TRIM16: variants seen among roughly 807,000 people sequenced by gnomAD.
The protein encoded by TRIM16 is tripartite motif containing 16.
In TRIM16, 33 loss-of-function variants were observed where a neutral mutation model predicts 50.4. The observed-to-expected ratio is 0.65, with a 90% confidence interval of 0.50 to 0.88. The LOEUF (loss-of-function observed/expected upper bound fraction) is 0.88. Ranked by LOEUF, TRIM16 falls within the 40% of genes least tolerant of loss-of-function variation. The pLI, the probability that TRIM16 is intolerant of heterozygous loss-of-function variation, is 0.00. For synonymous variants in TRIM16, 229 were observed against 270.7 expected (o/e 0.85, Z 1.51); for missense variants, 581 against 686.8 (o/e 0.85, Z 1.72).
At chr17:15,629,555 G>A (rs187126045) in intron 11 of TRIM16, among the ~76,000 whole-genome samples, 1 of 152,380 alleles carries the variant, frequency 6.6e-6, no homozygotes, top group Admixed American at 6.5e-5. Flanking sequence ...AAGTGTTTGG[G>A]GAAGCAGGTA....
At chr17:15,643,472 G>A (rs1050749003) in intron 7 of TRIM16, among the ~76,000 whole-genome samples, 6 of 142,554 alleles carry the variant, frequency 4.2e-5, no homozygotes, top group South Asian at 4.3e-4. Flanking sequence ...CCTATGACCC[G>A]GAAGCCCTGG....
chr17:15,651,867 C>T lies in TRIM16; in HGVS notation c.-258G>A. On this transcript the variant is annotated 5_prime_UTR_variant, in exon 7 of 12. Transcript: ENST00000649191. The stretch of plus-strand genomic sequence containing the variant: ...CAGGCTCAGGCTGCCTCCCCAGGTC[C>T]AGCCCTGAAACTTCTATTCTTATGT... 1 of 1,410,508 alleles carries T rather than the reference C, an allele frequency of 7.1e-7. No homozygotes were observed. The highest frequency in any genetic ancestry group is 1.5e-5 in the South Asian group (1 of 66,726). 87.4% of individuals were successfully genotyped at this position (1,410,508 alleles called of 1,614,324 possible).
intron 6 of TRIM16, among the ~76,000 whole-genome samples, chr17:15,655,051 G>A (rs913793124): frequency 2.2e-4 from 34 of 152,188 alleles, no homozygotes; most frequent in African/African-American, 7.7e-4. Flanking sequence ...ACAGGCTTCT[G>A]TCAGAGCTCT....
chr17:15,636,595 C>T (rs1244656690), intron 8 of TRIM16, among the ~76,000 whole-genome samples: 4 of 144,930 alleles, frequency 2.8e-5, no homozygotes, highest in Non-Finnish European at 6.0e-5. Context: ...ATTCAGTCTA[C>T]TTGATAGTCA....
chr17:15,652,363 C>T (rs1251652068), intron 6 of TRIM16, among the ~76,000 whole-genome samples: 3 of 139,256 alleles, frequency 2.2e-5, no homozygotes, highest in Non-Finnish European at 4.6e-5. Flanking sequence ...GTTTCACCAT[C>T]TTGGCCAGGC....
chr17:15,648,264 C>CAAA (rs369890282), intron 7 of TRIM16, among the ~76,000 whole-genome samples: 1 of 146,140 alleles, frequency 6.8e-6, no homozygotes, highest in African/African-American at 2.6e-5. Context: ...AACAAACAAA[C>CAAA]AAAAAAACAC....
chr17:15,634,379 C>A (rs1227782669), intron 9 of TRIM16, among the ~76,000 whole-genome samples: 1 of 147,422 alleles, frequency 6.8e-6, no homozygotes, highest in Non-Finnish European at 1.5e-5. Flanking sequence ...CCTGTAATCG[C>A]AACACTTTGG....
intron 4 of TRIM16, among the ~76,000 whole-genome samples, chr17:15,680,236 T>G (rs1989129149): frequency 6.6e-6 from 1 of 152,050 alleles, no homozygotes; most frequent in Non-Finnish European, 1.5e-5. Context: ...GTTGAATGAA[T>G]AAAACCTTCC....
At position 15,636,028 on chromosome 17, in the gene TRIM16, C is replaced by T. The variant is rs762526164; in HGVS notation, c.849+8G>A. The T allele has an allele frequency of 1.9e-6, 3 of 1,611,730 alleles. No individual in the cohort carries two copies. The Admixed American group carries it at 5.0e-5, about 27-fold the overall frequency. On this transcript the variant is annotated splice_region_variant and intron_variant, in intron 9 of 11. Coordinates refer to ENST00000649191, the MANE Select transcript of TRIM16 (RefSeq NM_001348119.1). ...TGTGGGATGCCTCTGCCCCCGCAAC[C>T]CCCATACCTCCAAGAACTGGACAGT...
intron 6 of TRIM16, among the ~76,000 whole-genome samples, chr17:15,662,242 G>A (rs1336038473): frequency 6.6e-6 from 1 of 152,168 alleles, no homozygotes; most frequent in African/African-American, 2.4e-5. Context: ...TCCCCATGAG[G>A]AGTCAGAAAT....
At chr17:15,649,160 GA>G in intron 7 of TRIM16, among the ~76,000 whole-genome samples, 1 of 150,030 alleles carries the variant, frequency 6.7e-6, no homozygotes, top group South Asian at 2.1e-4. Flanking sequence ...TACAGGCATA[GA>G]ACATTTCTGC....
chr17:15,639,731 C>G (rs1204997637), intron 8 of TRIM16, among the ~76,000 whole-genome samples: 1 of 149,614 alleles, frequency 6.7e-6, no homozygotes, highest in Non-Finnish European at 1.5e-5. Context: ...GGGCTCTGGA[C>G]TGTGGATGGG....
chr17:15,651,410 TC>T lies in TRIM16; in HGVS notation c.199del (p.Asp67IlefsTer21). The T allele has an allele frequency of 6.2e-7, 1 of 1,614,098 alleles. No individual in the cohort carries two copies. The highest frequency in any genetic ancestry group is 8.5e-7 in the Non-Finnish European group (1 of 1,179,976). ...GACCTCTTTCCCCTCACCAGCAGGA[TC>T]CCCCTGCTCTGCAGAGTCGCTGTCC... is the stretch of plus-strand genomic sequence containing the variant. ...EQDSDSAEQG[D>X]PAGEGKEVLC... is the part of the protein sequence containing the mutation. On this transcript the variant is annotated frameshift_variant, in exon 7 of 12. Coordinates refer to ENST00000649191, the MANE Select transcript of TRIM16 (RefSeq NM_001348119.1). LOFTEE classifies it high-confidence loss of function.
intron 6 of TRIM16, among the ~76,000 whole-genome samples, chr17:15,673,793 G>T (rs1466779005): frequency 1.3e-5 from 2 of 152,198 alleles, no homozygotes; most frequent in East Asian, 3.8e-4. Context: ...GCCATATACA[G>T]AAATTTTCAT....
At chr17:15,671,825 G>C (rs1988742887) in intron 6 of TRIM16, among the ~76,000 whole-genome samples, 1 of 152,116 alleles carries the variant, frequency 6.6e-6, no homozygotes, top group Non-Finnish European at 1.5e-5. Context: ...AAGCAGCACT[G>C]GTATTCAGAG....
chr17:15,660,584 A>G (rs1470990715), intron 6 of TRIM16, among the ~76,000 whole-genome samples: 1 of 152,170 alleles, frequency 6.6e-6, no homozygotes, highest in Non-Finnish European at 1.5e-5. Context: ...GGAAGCAAAC[A>G]AAGCAACAAG....
intron 9 of TRIM16, among the ~76,000 whole-genome samples, chr17:15,634,628 T>G (rs1986629222): frequency 9.9e-6 from 1 of 100,650 alleles, no homozygotes; most frequent in Non-Finnish European, 1.9e-5. Flanking sequence ...TGAAACTCAG[T>G]CTCAAAAAAA....
chr17:15,648,094 C>T (rs565590485), intron 7 of TRIM16, among the ~76,000 whole-genome samples: 5 of 151,940 alleles, frequency 3.3e-5, no homozygotes, highest in East Asian at 1.9e-4. Flanking sequence ...GGCGTGGTGG[C>T]GAGCACCTGT....
intron 9 of TRIM16, among the ~76,000 whole-genome samples, chr17:15,635,608 G>GACTC (rs1161050029): frequency 2.6e-5 from 3 of 116,690 alleles, no homozygotes; most frequent in Non-Finnish European, 5.3e-5. Context: ...CATACTCACT[G>GACTC]ACTCCATCAT....
Sources: allele counts gnomAD v4.1 joint callset (sites outside exome capture counted in the v4.1 genomes callset), GRCh38; gene constraint gnomAD v4.1.1; transcripts MANE v1.5; gene names NCBI Gene and HGNC (gene_info 2026-07-23, HGNC 2026-07-21).